Variants in SLC7A11 observed in about 807,000 individuals in gnomAD.
SLC7A11 encodes solute carrier family 7 member 11.
In SLC7A11, 35 loss-of-function variants were observed where a neutral mutation model predicts 54.5. The ratio of observed to expected loss-of-function variants is 0.64; its 90% confidence interval spans 0.49 to 0.85. SLC7A11 has a LOEUF of 0.85. Ranked by LOEUF, SLC7A11 falls within the 40% of genes least tolerant of loss-of-function variation. SLC7A11 has a pLI of 0.00. For synonymous variants in SLC7A11, 230 were observed against 225.2 expected (o/e 1.02, Z -0.19); for missense variants, 583 against 618.1 (o/e 0.94, Z 0.60).
At chr4:138,180,042 G>A (rs1256770233) in intron 10 of SLC7A11, among the ~76,000 whole-genome samples, 1 of 107,988 alleles carries the variant, frequency 9.3e-6, no homozygotes, top group Non-Finnish European at 2.1e-5. Flanking sequence ...TGAAGAAGAT[G>A]ACAAGCTTTT....
intron 8 of SLC7A11, 98 bp from the exon 9 acceptor site, chr4:138,182,491 A>G: frequency 1.4e-6 from 1 of 717,940 alleles, no homozygotes; most frequent in Non-Finnish European, 2.5e-6. Flanking sequence ...TTTTCATACC[A>G]AATGGTCAGG....
intron 6 of SLC7A11, among the ~76,000 whole-genome samples, chr4:138,205,097 G>T (rs1357948023): frequency 6.6e-6 from 1 of 151,854 alleles, no homozygotes; most frequent in Non-Finnish European, 1.5e-5. Context: ...AACCCCATGA[G>T]AACTATAATA....
Position 138,236,364 on chromosome 4 carries a change from G to A in SLC7A11, c.365C>T (p.Pro122Leu), listed in dbSNP as rs375389543. The A allele has an allele frequency of 6.2e-7, 1 of 1,613,082 alleles. No individual in the cohort carries two copies. Among genetic ancestry groups the A allele is most frequent in the Non-Finnish European group, 8.5e-7 (1 of 1,179,366 alleles). ...TYILEVFGPL[P>L]AFVRVWVELL... ...TTCCACCCAGACTCGTACAAAAGCT[G>A]GTAATGGACCAAAGACTTCCAAAAT... Residue 122 changes from proline to leucine, a missense_variant, in exon 2 of 12, where the codon CCA (proline) becomes CTA (leucine). Pro to Leu is a moderately conservative substitution (Grantham distance 98). Transcript: ENST00000280612.
At chr4:138,229,913 C>T (rs1266756263) in intron 3 of SLC7A11, among the ~76,000 whole-genome samples, 2 of 152,116 alleles carry the variant, frequency 1.3e-5, no homozygotes, top group African/African-American at 2.4e-5. Flanking sequence ...AAAAATGCCA[C>T]CCCTGCTCTT....
intron 6 of SLC7A11, among the ~76,000 whole-genome samples, chr4:138,200,460 C>T (rs1737249774): frequency 6.6e-6 from 1 of 152,096 alleles, no homozygotes; most frequent in Admixed American, 6.6e-5. Flanking sequence ...TTTTAATGCT[C>T]TGACACATTT....
intron 9 of SLC7A11, 34 bp downstream of exon 9, chr4:138,182,263 G>A: frequency 1.1e-5 from 14 of 1,318,088 alleles, no homozygotes; most frequent in Non-Finnish European, 1.4e-5. Context: ...ATTATTCAAG[G>A]TTATATCTAG....
At chr4:138,181,058 T>A (rs1736729573) in intron 9 of SLC7A11, among the ~76,000 whole-genome samples, 1 of 152,100 alleles carries the variant, frequency 6.6e-6, no homozygotes, top group African/African-American at 2.4e-5. Flanking sequence ...TGTTTTTAGT[T>A]CCTTTTGCAT....
Position 138,214,606 on chromosome 4 carries a change from TC to T in SLC7A11, c.769del (p.Glu257LysfsTer3). On this transcript the variant is annotated frameshift_variant, in exon 6 of 12. Coordinates refer to ENST00000280612, the MANE Select transcript of SLC7A11 (RefSeq NM_014331.4). LOFTEE classifies it high-confidence loss of function. ...AGWFYLNFVT[E>X]EVENPEKTIP... is the part of the protein sequence containing the mutation. ...TTACTTTTCAGGGTTTTCTACTTCT[TC>T]AGTAACAAAGTTGAGGTAAAACCTA... 1 of 1,437,730 alleles carries T rather than the reference TC, an allele frequency of 7.0e-7. No individual in the cohort carries two copies. The highest frequency in any genetic ancestry group is 9.5e-7 in the Non-Finnish European group (1 of 1,057,992). The allele number at this position is 1,437,730 out of a possible 1,614,324, so 89.1% of individuals were successfully genotyped here.
At chr4:138,220,366 C>G (rs1020311324) in intron 4 of SLC7A11, among the ~76,000 whole-genome samples, 3 of 152,088 alleles carry the variant, frequency 2.0e-5, no homozygotes, top group Non-Finnish European at 4.4e-5. Context: ...TGAGACCATA[C>G]AGCTAGCTTG....
chr4:138,223,348 C>T (rs1451485103), intron 3 of SLC7A11, 24 bp from the exon 4 acceptor site: 1 of 1,610,554 alleles, frequency 6.2e-7, no homozygotes, highest in East Asian at 2.2e-5. Context: ...GAGGAAGTTA[C>T]AAAAGGTGAA....
At chr4:138,232,892 TAC>T (rs918545067) in intron 2 of SLC7A11, among the ~76,000 whole-genome samples, 1 of 152,164 alleles carries the variant, frequency 6.6e-6, no homozygotes, top group African/African-American at 2.4e-5. Context: ...ATTTTTTCTG[TAC>T]AGACAAAAAC....
intron 6 of SLC7A11, among the ~76,000 whole-genome samples, chr4:138,197,823 T>C (rs1417815010): frequency 6.6e-6 from 1 of 151,752 alleles, no homozygotes; most frequent in Non-Finnish European, 1.5e-5. Flanking sequence ...AGTAATTGGT[T>C]GATATATCTA....
chr4:138,236,398 A>G lies in SLC7A11; in HGVS notation c.331T>C (p.Tyr111His). 2.5e-6 allele frequency: 4 copies of G among 1,613,094 alleles called. No individual in the cohort carries two copies. The highest frequency in any genetic ancestry group is 2.5e-6 in the Non-Finnish European group (3 of 1,179,212). The change falls in exon 2 of 12, where the codon TAC (tyrosine) becomes CAC (histidine). Residue 111 changes from tyrosine (Y) to histidine (H), a missense_variant. Coordinates refer to ENST00000280612, the MANE Select transcript of SLC7A11 (RefSeq NM_014331.4). ...GTTIKKSGGH[Y>H]TYILEVFGPL... is the part of the protein sequence containing the mutation. ...CCAAAGACTTCCAAAATATATGTGT[A>G]ATGACCTCCAGATTTCTTTATAGTT...
At chr4:138,183,361 G>T in intron 7 of SLC7A11, 56 bp from the exon 8 acceptor site, 1 of 1,227,532 alleles carries the variant, frequency 8.1e-7, no homozygotes, top group Non-Finnish European at 1.2e-6. Flanking sequence ...GGAATAAAAT[G>T]AAACAATTTA....
intron 5 of SLC7A11, among the ~76,000 whole-genome samples, chr4:138,216,180 C>A (rs939520231): frequency 6.6e-6 from 1 of 152,096 alleles, no homozygotes; most frequent in African/African-American, 2.4e-5. Context: ...CATGATTGTG[C>A]ATAAAAGGTA....
intron 3 of SLC7A11, among the ~76,000 whole-genome samples, chr4:138,227,164 T>C (rs1398781925): frequency 6.6e-6 from 1 of 152,198 alleles, no homozygotes; most frequent in Non-Finnish European, 1.5e-5. Flanking sequence ...AGAGTCTAGA[T>C]ATATTGGGTT....
At chr4:138,201,423 C>T (rs66528719) in intron 6 of SLC7A11, among the ~76,000 whole-genome samples, 63,259 of 151,844 alleles carry the variant, frequency 0.42, 14,025 homozygotes, top group Middle Eastern at 0.62. Flanking sequence ...TATGGTACAG[C>T]ACTAAATAGC....
intron 5 of SLC7A11, among the ~76,000 whole-genome samples, chr4:138,217,763 T>G (rs992463289): frequency 2.0e-5 from 3 of 152,206 alleles, no homozygotes; most frequent in African/African-American, 7.2e-5. Context: ...CTCTGGTGTC[T>G]CCCAGTGACC....
chr4:138,231,482 T>C (rs1428171462), intron 3 of SLC7A11, among the ~76,000 whole-genome samples: 1 of 152,192 alleles, frequency 6.6e-6, no homozygotes, highest in African/African-American at 2.4e-5. Flanking sequence ...CCTGTGTAGC[T>C]TTCTCTTTAT....
Sources: allele counts gnomAD v4.1 joint callset (sites outside exome capture counted in the v4.1 genomes callset), GRCh38; gene constraint gnomAD v4.1.1; transcripts MANE v1.5; gene names NCBI Gene and HGNC (gene_info 2026-07-23, HGNC 2026-07-21).